Variants in MCOLN3 observed in about 807,000 individuals in gnomAD.
MCOLN3 encodes the protein mucolipin TRP cation channel 3.
MCOLN3 carries 62 observed loss-of-function variants against 69.4 expected under a neutral mutation model. That is an observed-to-expected ratio of 0.89 (90% CI 0.73 to 1.10). The LOEUF is 1.10. Among genes scored for constraint, MCOLN3 ranks in the 50% least tolerant of loss-of-function variants. The pLI, the probability that MCOLN3 is intolerant of heterozygous loss-of-function variation, is 0.00. For missense variants in MCOLN3, 564 were observed against 656.4 expected (o/e 0.86, Z 1.54); for synonymous variants, 183 against 217.0 (o/e 0.84, Z 1.38).
At chr1:85,045,712 G>A (rs1447554329) in intron 1 of MCOLN3, among the ~76,000 whole-genome samples, 1 of 152,162 alleles carries the variant, frequency 6.6e-6, no homozygotes, top group Non-Finnish European at 1.5e-5. Context: ...CCTGGGGGAA[G>A]GACTTCAGAG....
intron 12 of MCOLN3, among the ~76,000 whole-genome samples, chr1:85,019,685 G>A (rs577026713): frequency 6.6e-6 from 1 of 152,310 alleles, no homozygotes; most frequent in South Asian, 2.1e-4. Flanking sequence ...AATTAACAAG[G>A]TTTTCTAGTA....
In MCOLN3 at chr1:85,021,139, G is replaced by A; in HGVS notation, c.1458C>T (p.Ile486=). ...LFSRIYLYSF[I]SLFIYMILSL... ...TTAAAATCATATATATAAAGAGGCTGATGAATGAGTAGAGGTAAATTCTAC... is the reference window on the plus strand; with the variant it reads ...TTAAAATCATATATATAAAGAGGCTAATGAATGAGTAGAGGTAAATTCTAC... The change falls in exon 12 of 13, where the codon ATC becomes ATT. Residue 486 remains isoleucine, a synonymous_variant. Coordinates refer to ENST00000370589, the MANE Select transcript of MCOLN3 (RefSeq NM_018298.11). 6.2e-7 allele frequency: 1 copy of A among 1,612,894 alleles called. No homozygotes were observed. The highest frequency in any genetic ancestry group is 8.5e-7 in the Non-Finnish European group (1 of 1,179,366).
chr1:85,018,564 A>G lies in MCOLN3; in HGVS notation c.*559T>C, dbSNP rs1651773154. On this transcript the variant is annotated 3_prime_UTR_variant, in exon 13 of 13. Transcript: ENST00000370589. Reference sequence around the variant, plus strand: ...GAACATATCTCCATCCTTAAGTGACATATGGCCGTATCACATTGTTAGCTG... The same window carrying G: ...GAACATATCTCCATCCTTAAGTGACGTATGGCCGTATCACATTGTTAGCTG... The G allele has an allele frequency of 6.6e-6, 1 of 152,618 alleles. No homozygotes were observed. Among genetic ancestry groups the G allele is most frequent in the East Asian group, 1.9e-4 (1 of 5,192 alleles). The allele number at this position is 152,618 out of a possible 1,614,324, so 9.5% of individuals were successfully genotyped here.
At chr1:85,037,914 T>G (rs1652872468) in intron 3 of MCOLN3, among the ~76,000 whole-genome samples, 1 of 152,180 alleles carries the variant, frequency 6.6e-6, no homozygotes, top group African/African-American at 2.4e-5. Context: ...TCAGTCAGAT[T>G]CATGGGTCCC....
At chr1:85,041,865 C>A (rs1442320254) in intron 2 of MCOLN3, among the ~76,000 whole-genome samples, 2 of 105,870 alleles carry the variant, frequency 1.9e-5, no homozygotes, top group South Asian at 3.7e-4. Flanking sequence ...AGCGAAACTA[C>A]GTCTCAAAAA....
chr1:85,032,842 G>T, intron 5 of MCOLN3, 30 bp downstream of exon 5: 1 of 1,613,556 alleles, frequency 6.2e-7, no homozygotes, highest in Admixed American at 1.7e-5. Context: ...ACGTGCAAAC[G>T]TAAGTTACAC....
At position 85,021,177 on chromosome 1, in the gene MCOLN3, CTAAG is replaced by C. The variant is rs771254713; in HGVS notation, c.1416_1419del (p.Tyr472Ter). The C allele has an allele frequency of 1.9e-6, 3 of 1,613,658 alleles. No individual in the cohort carries two copies. The highest frequency in any genetic ancestry group is 2.5e-6 in the Non-Finnish European group (3 of 1,179,836). On this transcript the variant is annotated frameshift_variant, in exon 12 of 13. Transcript: ENST00000370589. LOFTEE classifies it high-confidence loss of function. ...AGGTAAATTCTACTAAACAGCCAGA[CTAAG>C]TAACTTTTTTGCTGCATTTTTGCAA...
In MCOLN3 at chr1:85,019,237, G is replaced by A; in HGVS notation, c.1548C>T (p.Phe516=). The A allele has an allele frequency of 6.2e-7, 1 of 1,613,780 alleles. No homozygotes were observed. Residue 516 remains phenylalanine (F), a synonymous_variant, in exon 13 of 13, where the codon TTC becomes TTT. Coordinates refer to ENST00000370589, the MANE Select transcript of MCOLN3 (RefSeq NM_018298.11). ...TAAATGTACGAAGTTCAGTCTCTGG[G>A]AAGCCATCTTGTTGGTATTGCTAAA... is the stretch of plus-strand genomic sequence containing the variant. ...ETIKQYQQDG[F]PETELRTFIS... is the part of the protein sequence containing the mutation.
chr1:85,033,971 T>C, intron 4 of MCOLN3, 127 bp downstream of exon 4: 1 of 1,009,262 alleles, frequency 9.9e-7, no homozygotes, highest in Non-Finnish European at 1.5e-6. Flanking sequence ...ACATAATAAC[T>C]CGTATATCAT....
chr1:85,030,943 C>T (rs557159034), intron 6 of MCOLN3, among the ~76,000 whole-genome samples: 7 of 152,054 alleles, frequency 4.6e-5, no homozygotes, highest in South Asian at 4.1e-4. Context: ...ATTGGGGAGG[C>T]GTGGGGGATA....
intron 9 of MCOLN3, chr1:85,022,927 A>G (rs1386406815): frequency 6.5e-6 from 1 of 153,312 alleles, no homozygotes; most frequent in African/African-American, 2.4e-5. Flanking sequence ...TTTGAGAACC[A>G]CAAACAGAAG....
Position 85,025,902 on chromosome 1 carries a change from C to T in MCOLN3, c.1095+37G>A, listed in dbSNP as rs112891429. Reference sequence around the variant, plus strand: ...AAAATACATTACCATTAGTGCAAATCTGACACTAACAATAGCATGATTAGG... The same window carrying T: ...AAAATACATTACCATTAGTGCAAATTTGACACTAACAATAGCATGATTAGG... On this transcript the variant is annotated intron_variant, in intron 9 of 12. Transcript: ENST00000370589. 44 of 1,551,758 alleles carry T rather than the reference C, an allele frequency of 2.8e-5. No homozygotes were observed. In the African/African-American group the frequency reaches 4.8e-4, roughly 17 times the overall value.
chr1:85,029,024 A>C (rs1652366393), intron 7 of MCOLN3, 82 bp downstream of exon 7: 1 of 852,566 alleles, frequency 1.2e-6, no homozygotes, highest in African/African-American at 1.7e-5. Context: ...TTGTTGTTCT[A>C]GATATCCAGA....
At chr1:85,037,944 A>G (rs997169224) in intron 3 of MCOLN3, among the ~76,000 whole-genome samples, 1 of 152,202 alleles carries the variant, frequency 6.6e-6, no homozygotes, top group South Asian at 2.1e-4. Flanking sequence ...TTTGAGTGGT[A>G]ATATAAAAAC....
intron 1 of MCOLN3, among the ~76,000 whole-genome samples, chr1:85,047,028 T>C (rs754411033): frequency 1.3e-5 from 2 of 152,236 alleles, no homozygotes; most frequent in Non-Finnish European, 2.9e-5. Flanking sequence ...AAGGAGACTT[T>C]ATCTATAGGA....
chr1:85,019,365 T>G (rs949291753), intron 12 of MCOLN3, 108 bp from the exon 13 acceptor site: 29 of 1,071,558 alleles, frequency 2.7e-5, no homozygotes, highest in African/African-American at 1.1e-4. Flanking sequence ...TCTAGAGAGA[T>G]AGTATCGTTA....
chr1:85,041,596 G>A (rs1207693460), intron 2 of MCOLN3, among the ~76,000 whole-genome samples: 6 of 152,082 alleles, frequency 3.9e-5, no homozygotes, highest in Admixed American at 2.0e-4. Context: ...ACAGCCGGGC[G>A]TGGTGGTTCA....
rs776776516 is a variant in MCOLN3 at position 85,019,155 on chromosome 1, G to C, written c.1630C>G (p.Pro544Ala). Residue 544 changes from proline (P) to alanine (A), a missense_variant, in exon 13 of 13, where the codon CCA becomes GCA. By Grantham distance (27) the Pro-to-Ala change is conservative (BLOSUM62 -1). Transcript: ENST00000370589. ...SGKYRLEDDP[P>A]VSLFCCCKK ...TTACAACAGCAGAATAAAGATACTG[G>C]AGGGTCATCTTCTAATCTGTATTTT... 1 of 1,613,626 alleles carries C rather than the reference G, an allele frequency of 6.2e-7. No individual in the cohort carries two copies. Among genetic ancestry groups the C allele is most frequent in the African/African-American group, 1.3e-5 (1 of 75,006 alleles).
intron 6 of MCOLN3, among the ~76,000 whole-genome samples, chr1:85,031,908 T>TA (rs11396711): frequency 0.69 from 103,086 of 149,890 alleles, 35,524 homozygotes; most frequent in East Asian, 0.75. Context: ...CCGTCTCTGC[T>TA]AAAAAAAAAT....
Sources: gnomAD v4.1 joint callset for allele counts (sites outside exome capture counted in the v4.1 genomes callset) on GRCh38, gnomAD v4.1.1 for gene constraint, MANE v1.5 for transcripts, NCBI Gene and HGNC (gene_info 2026-07-23, HGNC 2026-07-21) for gene names.